Variants in ANO10 observed in about 807,000 individuals in gnomAD.
ANO10 encodes anoctamin 10, also known as anoctamin-10.
Under a neutral mutation model 74.7 loss-of-function variants are expected in ANO10, and 77 were observed. The observed-to-expected ratio is 1.03, with a 90% confidence interval of 0.86 to 1.25. The LOEUF (loss-of-function observed/expected upper bound fraction) is 1.25. Among genes scored for constraint, ANO10 ranks in the 50% most tolerant of loss-of-function variants. ANO10 has a pLI of 0.00. For missense variants in ANO10, 721 were observed against 778.1 expected (o/e 0.93, Z 0.87); for synonymous variants, 279 against 284.9 (o/e 0.98, Z 0.21).
At chr3:43,501,250 G>C (rs2077090678) in intron 11 of ANO10, among the ~76,000 whole-genome samples, 2 of 152,046 alleles carry the variant, frequency 1.3e-5, no homozygotes, top group Admixed American at 6.6e-5. Context: ...GGGAGGGGAG[G>C]TACCAGGCTC....
At position 43,499,099 on chromosome 3, in the gene ANO10, CT is replaced by C. The variant is rs574319593; in HGVS notation, c.1797+50620del. On this transcript the variant is annotated intron_variant, in intron 11 of 12. Transcript: ENST00000292246. ...TTCCAGGGCTCATGTAGAGAAACCACTAGAGAGAGGGGCAGTTTGTCCCTGT... is the reference window on the plus strand; with the variant it reads ...TTCCAGGGCTCATGTAGAGAAACCACAGAGAGAGGGGCAGTTTGTCCCTGT... Among the ~76,000 whole-genome samples the C allele has an allele frequency of 1.3e-4, 20 of 152,244 alleles. No individual in the cohort carries two copies. The East Asian group carries it at 3.5e-3, about 26-fold the overall frequency.
chr3:43,395,789 C>G (rs1379443541), intron 12 of ANO10, among the ~76,000 whole-genome samples: 1 of 149,836 alleles, frequency 6.7e-6, no homozygotes, highest in South Asian at 2.1e-4. Flanking sequence ...AAAAAGCCTA[C>G]TTAGATTCTT....
chr3:43,479,895 C>T (rs555153055), intron 11 of ANO10, among the ~76,000 whole-genome samples: 46 of 152,242 alleles, frequency 3.0e-4, no homozygotes, highest in Admixed American at 1.9e-3. Flanking sequence ...GACTTCCTAT[C>T]AAGTGAGACT....
chr3:43,462,598 T>A (rs764946507), intron 11 of ANO10, among the ~76,000 whole-genome samples: 4 of 152,144 alleles, frequency 2.6e-5, no homozygotes, highest in Admixed American at 6.5e-5. Context: ...GACAATGTGA[T>A]AGAAAAGAAA....
chr3:43,651,575 T>C (rs979596295), intron 1 of ANO10, among the ~76,000 whole-genome samples: 4 of 152,192 alleles, frequency 2.6e-5, no homozygotes, highest in African/African-American at 7.2e-5. Context: ...GCAAAATCAT[T>C]TGAATGTGGA....
intron 11 of ANO10, among the ~76,000 whole-genome samples, chr3:43,527,258 T>C (rs2078247295): frequency 6.6e-6 from 1 of 152,126 alleles, no homozygotes; most frequent in South Asian, 2.1e-4. Flanking sequence ...GCATGCTCCT[T>C]ACAGATGACA....
intron 3 of ANO10, among the ~76,000 whole-genome samples, chr3:43,600,153 C>T (rs1353028920): frequency 6.6e-6 from 1 of 152,230 alleles, no homozygotes; most frequent in Non-Finnish European, 1.5e-5. Flanking sequence ...TTTATAAATA[C>T]AGTTTTATTG....
intron 11 of ANO10, among the ~76,000 whole-genome samples, chr3:43,476,938 C>T (rs1372827702): frequency 1.3e-5 from 2 of 151,564 alleles, no homozygotes; most frequent in Non-Finnish European, 2.9e-5. Flanking sequence ...AGGCAGATCT[C>T]CACAGTGGGC....
At chr3:43,579,738 AAAAC>A (rs1244762762) in intron 5 of ANO10, among the ~76,000 whole-genome samples, 1 of 152,184 alleles carries the variant, frequency 6.6e-6, no homozygotes, top group Non-Finnish European at 1.5e-5. Context: ...AACTAAAACA[AAAAC>A]AAAAAAACTT....
At chr3:43,447,190 G>A (rs1302830610) in intron 11 of ANO10, among the ~76,000 whole-genome samples, 1 of 152,146 alleles carries the variant, frequency 6.6e-6, no homozygotes, top group African/African-American at 2.4e-5. Context: ...GTCATTTTGT[G>A]CACAGGCAAG....
chr3:43,641,750 A>G (rs1326265130), intron 1 of ANO10, among the ~76,000 whole-genome samples: 1 of 152,202 alleles, frequency 6.6e-6, no homozygotes, highest in Non-Finnish European at 1.5e-5. Context: ...CAGGCATTTT[A>G]GTAATTTAGA....
intron 11 of ANO10, among the ~76,000 whole-genome samples, chr3:43,463,185 G>T (rs928297068): frequency 2.0e-5 from 3 of 152,160 alleles, no homozygotes; most frequent in African/African-American, 7.2e-5. Context: ...GAGAATGGCA[G>T]ATCCACTGAC....
intron 7 of ANO10, among the ~76,000 whole-genome samples, chr3:43,566,010 T>C (rs564498273): frequency 2.0e-5 from 3 of 152,208 alleles, no homozygotes; most frequent in South Asian, 2.1e-4. Flanking sequence ...GGGCAAGGCA[T>C]TGCCTCCCTT....
Position 43,680,963 on chromosome 3 carries a change from G to A in ANO10, c.-12+10554C>T, listed in dbSNP as rs571384220. ...TGGAAAGGAACAACTGGTACCAGCC[G>A]CTGCAAAAACATGCCAAATTGTAAA... On this transcript the variant is annotated intron_variant, in intron 1 of 3. Transcript: ENST00000413397. Among the ~76,000 whole-genome samples the A allele has an allele frequency of 9.9e-5, 15 of 152,262 alleles. No homozygotes were observed. The East Asian group carries it at 1.3e-3, about 14-fold the overall frequency.
intron 12 of ANO10, among the ~76,000 whole-genome samples, chr3:43,383,123 C>A (rs1350894059): frequency 6.6e-6 from 1 of 152,078 alleles, no homozygotes; most frequent in Non-Finnish European, 1.5e-5. Context: ...AAATCCTCAA[C>A]AAAATAGTAG....
At chr3:43,507,147 T>G (rs1384884278) in intron 11 of ANO10, among the ~76,000 whole-genome samples, 2 of 152,194 alleles carry the variant, frequency 1.3e-5, no homozygotes, top group African/African-American at 4.8e-5. Context: ...ATCATTATCT[T>G]TTTATCTACC....
chr3:43,576,645 A>T (rs755048076), intron 6 of ANO10, 47 bp downstream of exon 6: 3 of 1,593,016 alleles, frequency 1.9e-6, no homozygotes, highest in Non-Finnish European at 2.6e-6. Flanking sequence ...TCTAGGCAAC[A>T]TTTCTTACAG....
chr3:43,690,372 C>T (rs1035118531), intron 1 of ANO10: 1 of 152,346 alleles, frequency 6.6e-6, no homozygotes, highest in Non-Finnish European at 1.5e-5. Context: ...ACTCTTTTCA[C>T]CCTCCCAGGT....
chr3:43,489,880 C>A (rs1225839317), intron 11 of ANO10, among the ~76,000 whole-genome samples: 9 of 149,006 alleles, frequency 6.0e-5, no homozygotes, highest in African/African-American at 2.2e-4. Flanking sequence ...AAAAAAAAAA[C>A]TATCTTACAA....
Sources: allele counts gnomAD v4.1 joint callset (sites outside exome capture counted in the v4.1 genomes callset), GRCh38; gene constraint gnomAD v4.1.1; transcripts MANE v1.5; gene names NCBI Gene and HGNC (gene_info 2026-07-23, HGNC 2026-07-21).